Variants in MGAT4C observed in about 807,000 individuals in gnomAD.
The protein encoded by MGAT4C is alpha-1,3-mannosyl-glycoprotein 4-beta-N-acetylglucosaminyltransferase C.
In MGAT4C, 19 loss-of-function variants were observed where a neutral mutation model predicts 40.1. The observed-to-expected ratio is 0.47, with a 90% CI of 0.33 to 0.70. MGAT4C has a LOEUF of 0.70. Among genes scored for constraint, MGAT4C ranks in the 30% least tolerant of loss-of-function variants. MGAT4C has a pLI of 0.02. For synonymous variants in MGAT4C, 181 were observed against 187.1 expected (o/e 0.97, Z 0.27); for missense variants, 491 against 563.2 (o/e 0.87, Z 1.30).
chr12:86,727,893 A>G (rs985672580), intron 1 of MGAT4C, among the ~76,000 whole-genome samples: 2 of 152,126 alleles, frequency 1.3e-5, no homozygotes, highest in Non-Finnish European at 1.5e-5. Flanking sequence ...ACCAGAACAA[A>G]AAAAAGAAAC....
chr12:86,211,406 C>CAAAAAAAAAAAAAAAAAA (rs58874795), intron 1 of MGAT4C, among the ~76,000 whole-genome samples: 2 of 35,516 alleles, frequency 5.6e-5, no homozygotes, highest in Non-Finnish European at 9.0e-5. Context: ...ACTACAAATA[C>CAAAAAAAAAAAAAAAAAA]AAAAAAAAAA....
rs1362190212 is a variant in MGAT4C at position 85,959,805 on chromosome 12, CT to C, written c.*19483del. ...TTTATGTTAACTGAATCAATTTTGG[CT>C]TTGTTTCTTTATGAAATTACTTTTA... On this transcript the variant is annotated 3_prime_UTR_variant, in exon 5 of 5. Coordinates refer to ENST00000611864, the MANE Select transcript of MGAT4C (RefSeq NM_001351288.2). The C allele has an allele frequency of 2.0e-5, 3 of 148,382 alleles. No homozygotes were observed. Among genetic ancestry groups the C allele is most frequent in the Non-Finnish European group, 4.5e-5 (3 of 67,102 alleles). 9.2% of individuals were successfully genotyped at this position (148,382 alleles called of 1,614,324 possible).
chr12:86,284,863 A>G (rs575077969), intron 4 of MGAT4C, among the ~76,000 whole-genome samples: 1 of 152,136 alleles, frequency 6.6e-6, no homozygotes, highest in African/African-American at 2.4e-5. Flanking sequence ...TAATTCAGAA[A>G]ATCCTGAGAG....
intron 1 of MGAT4C, among the ~76,000 whole-genome samples, chr12:86,834,612 C>CCACACACACACACACACACACACACA (rs148269576): frequency 6.1e-5 from 9 of 148,288 alleles, no homozygotes; most frequent in South Asian, 2.1e-4. Context: ...CCCCCAACCA[C>CCACACACACACACACACACACACACA]CACACACACA....
rs1883526476 is a variant in MGAT4C, at chr12:85,969,646, T to C, written c.*9643A>G. ...TCAACTATTTAATGTTATTTTAATA[T>C]AGTCATATCATCCAGAAAATCCCAT... is the stretch of plus-strand genomic sequence containing the variant. On this transcript the variant is annotated 3_prime_UTR_variant, in exon 5 of 5. Coordinates refer to ENST00000611864, the MANE Select transcript of MGAT4C (RefSeq NM_001351288.2). The C allele has an allele frequency of 6.6e-6, 1 of 151,614 alleles. No individual in the cohort carries two copies. The highest frequency in any genetic ancestry group is 2.4e-5 in the African/African-American group (1 of 41,398). The allele number at this position is 151,614 out of a possible 1,614,324, so 9.4% of individuals were successfully genotyped here. A position where few individuals can be genotyped will look rare whatever the true frequency, so the allele number is the denominator to read the frequency against.
chr12:86,605,098 AT>A (rs1961998429), intron 2 of MGAT4C, among the ~76,000 whole-genome samples: 1 of 152,106 alleles, frequency 6.6e-6, no homozygotes, highest in Non-Finnish European at 1.5e-5. Context: ...AATGTTTTGA[AT>A]CCTGAAAAAT....
At chr12:86,342,662 A>T (rs989737551) in intron 3 of MGAT4C, among the ~76,000 whole-genome samples, 1 of 151,854 alleles carries the variant, frequency 6.6e-6, no homozygotes, top group Admixed American at 6.6e-5. Flanking sequence ...GATGATCTCG[A>T]TCTCCTGATC....
intron 2 of MGAT4C, among the ~76,000 whole-genome samples, chr12:86,529,649 C>G (rs1446577977): frequency 6.6e-6 from 1 of 151,994 alleles, no homozygotes; most frequent in Non-Finnish European, 1.5e-5. Flanking sequence ...CCTTCTAGGT[C>G]TAGTAATTTG....
At chr12:86,445,649 G>A (rs542652128) in intron 2 of MGAT4C, among the ~76,000 whole-genome samples, 2 of 152,072 alleles carry the variant, frequency 1.3e-5, no homozygotes, top group African/African-American at 2.4e-5. Flanking sequence ...ATGTCCTCCC[G>A]CAGTAAAACT....
chr12:86,476,058 A>C (rs557901104), intron 2 of MGAT4C, among the ~76,000 whole-genome samples: 1 of 152,228 alleles, frequency 6.6e-6, no homozygotes, highest in African/African-American at 2.4e-5. Flanking sequence ...ACATGTGTGC[A>C]CGTGTGTCTG....
At chr12:86,246,770 G>T (rs535546021) in intron 1 of MGAT4C, among the ~76,000 whole-genome samples, 1 of 152,174 alleles carries the variant, frequency 6.6e-6, no homozygotes, top group East Asian at 1.9e-4. Context: ...CTTTTCTGTT[G>T]TAAATTGCTT....
intron 1 of MGAT4C, among the ~76,000 whole-genome samples, chr12:86,172,575 T>C (rs547890314): frequency 9.2e-4 from 140 of 152,210 alleles, no homozygotes; most frequent in Non-Finnish European, 1.3e-3. Flanking sequence ...ACTGAATCTA[T>C]ACTCAGCCAG....
rs1001529446 is a variant in MGAT4C at position 86,717,183 on chromosome 12, CA to C, written c.-229+10025del. ...AGAAAACTTGTAATTATAATTATTA[CA>C]AAAAAAAAAGCTCAGAAAGACAAAT... On this transcript the variant is annotated intron_variant, in intron 2 of 7. Transcript: ENST00000548651. 3.6e-3 allele frequency among the ~76,000 whole-genome samples: 489 copies of C among 136,948 alleles called. 2 individuals carry two copies. Among genetic ancestry groups the C allele is most frequent in the Middle Eastern group, 0.015 (4 of 266 alleles). The allele number at this position is 136,948 out of a possible 152,430, so 89.8% of individuals were successfully genotyped here. A position where few individuals can be genotyped will look rare whatever the true frequency, so the allele number is the denominator to read the frequency against.
intron 1 of MGAT4C, among the ~76,000 whole-genome samples, chr12:86,221,502 G>T (rs1397289786): frequency 2.0e-5 from 3 of 152,160 alleles, no homozygotes; most frequent in Non-Finnish European, 2.9e-5. Flanking sequence ...AAACTGAGAG[G>T]CTGACCAAAA....
Position 86,032,598 on chromosome 12 carries a change from A to G in MGAT4C, c.-7+17076T>C, listed in dbSNP as rs534021981. 5.5e-4 allele frequency among the ~76,000 whole-genome samples: 82 copies of G among 149,350 alleles called. 4 individuals carry two copies. The highest frequency in any genetic ancestry group is 6.7e-4 in the Admixed American group (10 of 14,872). On this transcript the variant is annotated intron_variant, in intron 2 of 4. Coordinates refer to ENST00000611864, the MANE Select transcript of MGAT4C (RefSeq NM_001351288.2). ...TGTCTGTTTGTGTCCTTTGCCCACT[A>G]CATAATGGGGTTGTTTGTTTTTTGC...
At chr12:86,214,064 C>T (rs1950580786) in intron 1 of MGAT4C, among the ~76,000 whole-genome samples, 1 of 152,186 alleles carries the variant, frequency 6.6e-6, no homozygotes, top group Admixed American at 6.5e-5. Flanking sequence ...GACTCCCAGG[C>T]TCTATATCAT....
At chr12:86,410,990 A>C (rs1162437901) in intron 3 of MGAT4C, among the ~76,000 whole-genome samples, 6 of 150,934 alleles carry the variant, frequency 4.0e-5, no homozygotes, top group Non-Finnish European at 8.8e-5. Flanking sequence ...CATCCACTTT[A>C]CCTTCTGCCA....
At chr12:86,197,512 T>A (rs1949861737) in intron 1 of MGAT4C, among the ~76,000 whole-genome samples, 1 of 152,156 alleles carries the variant, frequency 6.6e-6, no homozygotes, top group Non-Finnish European at 1.5e-5. Context: ...TCTCTTGCCC[T>A]CTTTCTGCCA....
chr12:86,638,622 G>C (rs1963291752), intron 2 of MGAT4C, among the ~76,000 whole-genome samples: 1 of 151,808 alleles, frequency 6.6e-6, no homozygotes, highest in Non-Finnish European at 1.5e-5. Context: ...GGGTCTCCAT[G>C]TTTCAGATAA....
Sources: gnomAD v4.1 joint callset for allele counts (sites outside exome capture counted in the v4.1 genomes callset) on GRCh38, gnomAD v4.1.1 for gene constraint, MANE v1.5 for transcripts, NCBI Gene and HGNC (gene_info 2026-07-23, HGNC 2026-07-21) for gene names.